TEX36: variants seen among roughly 807,000 people sequenced by gnomAD.
TEX36 encodes the protein testis-expressed protein 36.
A neutral mutation model predicts 13.6 loss-of-function variants in TEX36; 12 were observed. The observed-to-expected ratio is 0.88, with a 90% CI of 0.56 to 1.43. The LOEUF (loss-of-function observed/expected upper bound fraction) is 1.43, where lower values mean the gene tolerates loss of function less well. TEX36 is among the 40% of genes most tolerant of loss of function. The pLI, the probability that TEX36 is intolerant of heterozygous loss-of-function variation, is 0.00. For synonymous variants in TEX36, 93 were observed against 83.0 expected (o/e 1.12, Z -0.65); for missense variants, 224 against 228.3 (o/e 0.98, Z 0.12).
chr10:125,662,334 G>A (rs1490578713), intron 1 of TEX36, among the ~76,000 whole-genome samples: 1 of 152,152 alleles, frequency 6.6e-6, no homozygotes, highest in South Asian at 2.1e-4. Flanking sequence ...GGAGCTCCCA[G>A]TACTGAGGAC....
chr10:125,655,088 A>T (rs183471950), downstream of TEX36, among the ~76,000 whole-genome samples: 446 of 152,270 alleles, frequency 2.9e-3, 1 homozygote, highest in Non-Finnish European at 5.4e-3. Context: ...GCGATTTTTT[A>T]AAAAATCAGT....
chr10:125,652,929 A>T (rs1485247930), downstream of TEX36, among the ~76,000 whole-genome samples: 2 of 152,204 alleles, frequency 1.3e-5, no homozygotes, highest in Non-Finnish European at 2.9e-5. Flanking sequence ...AAATCAAACC[A>T]CAATGAGATA....
Position 125,592,728 on chromosome 10 carries a change from A to G in TEX36, c.265-15854T>C, listed in dbSNP as rs2133534264. Among the ~76,000 whole-genome samples the G allele has an allele frequency of 2.0e-5, 3 of 152,134 alleles. No individual in the cohort carries two copies. In the South Asian group the frequency reaches 6.2e-4, roughly 32 times the overall value. ...CCCCAACTTGTGACCCATACTTCCAACCACCTGGCTATAAGTCAGGAGTCC... is the reference window on the plus strand; with the variant it reads ...CCCCAACTTGTGACCCATACTTCCAGCCACCTGGCTATAAGTCAGGAGTCC... On this transcript the variant is annotated intron_variant, in intron 3 of 3. Coordinates refer to the TEX36 transcript ENST00000532135.
chr10:125,589,412 A>T (rs1845996429), intron 3 of TEX36, among the ~76,000 whole-genome samples: 1 of 152,150 alleles, frequency 6.6e-6, no homozygotes, highest in African/African-American at 2.4e-5. Flanking sequence ...GATAGTGGCC[A>T]CCCTTGTCTT....
chr10:125,633,827 T>C (rs1014240454), intron 3 of TEX36, among the ~76,000 whole-genome samples: 2 of 152,184 alleles, frequency 1.3e-5, no homozygotes, highest in African/African-American at 4.8e-5. Flanking sequence ...TTCCCATAAA[T>C]GGACACGGTT....
chr10:125,613,777 G>C lies in TEX36; in HGVS notation c.265-36903C>G, dbSNP rs530626109. On this transcript the variant is annotated intron_variant, in intron 3 of 3. Transcript: ENST00000532135. ...TGTCTTTATAGCAGCATGATTTATA[G>C]TCCTTTGGGTATATACCCAGTAATG... is the stretch of plus-strand genomic sequence containing the variant. 7.4e-3 allele frequency among the ~76,000 whole-genome samples: 1,125 copies of C among 152,082 alleles called. 15 individuals carry two copies. The highest frequency in any genetic ancestry group is 0.025 in the African/African-American group (1,051 of 41,480).
intron 3 of TEX36, among the ~76,000 whole-genome samples, chr10:125,589,491 A>T (rs949244368): frequency 6.6e-6 from 1 of 152,230 alleles, no homozygotes; most frequent in African/African-American, 2.4e-5. Flanking sequence ...ATACACTGAG[A>T]TGGATACTCT....
intron 3 of TEX36, among the ~76,000 whole-genome samples, chr10:125,600,409 G>T (rs565315301): frequency 3.9e-5 from 6 of 152,028 alleles, no homozygotes; most frequent in African/African-American, 9.7e-5. Context: ...GTGATCAGGG[G>T]GGTCTCCAAC....
At chr10:125,664,316 T>C (rs1364757449) in intron 1 of TEX36, among the ~76,000 whole-genome samples, 1 of 152,230 alleles carries the variant, frequency 6.6e-6, no homozygotes, top group Non-Finnish European at 1.5e-5. Flanking sequence ...TGCAAATATC[T>C]CCTCAGTATA....
chr10:125,611,405 G>A (rs771968718), intron 3 of TEX36, among the ~76,000 whole-genome samples: 4 of 152,088 alleles, frequency 2.6e-5, no homozygotes, highest in Non-Finnish European at 5.9e-5. Flanking sequence ...TTCATAACCT[G>A]AATAAATAAA....
chr10:125,597,244 C>T (rs1846091842), intron 3 of TEX36, among the ~76,000 whole-genome samples: 1 of 152,176 alleles, frequency 6.6e-6, no homozygotes, highest in Non-Finnish European at 1.5e-5. Flanking sequence ...CTACTGTGTC[C>T]ACCATGTGAA....
intron 3 of TEX36, among the ~76,000 whole-genome samples, chr10:125,627,893 C>T (rs11244586): frequency 0.045 from 6,776 of 152,186 alleles, 175 homozygotes; most frequent in East Asian, 0.086. Context: ...GGCGGTAACA[C>T]CTAGAATATC....
chr10:125,640,666 G>T (rs951656001), intron 3 of TEX36, among the ~76,000 whole-genome samples: 1 of 152,116 alleles, frequency 6.6e-6, no homozygotes, highest in Non-Finnish European at 1.5e-5. Flanking sequence ...ACTGCCCTGT[G>T]TGTTTGGGAA....
downstream of TEX36, among the ~76,000 whole-genome samples, chr10:125,652,639 A>T (rs574230787): frequency 7.9e-5 from 12 of 152,344 alleles, no homozygotes; most frequent in East Asian, 2.3e-3. Context: ...GACAAATGGG[A>T]TCTAATCAAA....
intron 1 of TEX36, among the ~76,000 whole-genome samples, chr10:125,666,122 A>G (rs558235275): frequency 7.9e-5 from 12 of 152,194 alleles, no homozygotes; most frequent in Admixed American, 2.6e-4. Flanking sequence ...TTTTCTAGAT[A>G]TAATATCATG....
At chr10:125,641,757 T>C (rs893809326) in intron 3 of TEX36, among the ~76,000 whole-genome samples, 2 of 152,236 alleles carry the variant, frequency 1.3e-5, no homozygotes, top group Non-Finnish European at 2.9e-5. Flanking sequence ...TGCCAAGTTA[T>C]TAAAGACTTT....
rs1414170551 is a variant in TEX36, at chr10:125,679,145, CCG to C, written c.51+3792_51+3793del. Among the ~76,000 whole-genome samples the C allele has an allele frequency of 6.8e-3, 941 of 138,472 alleles. 73 individuals carry two copies. Among genetic ancestry groups the C allele is most frequent in the African/African-American group, 0.022 (722 of 32,370 alleles). 90.8% of individuals were successfully genotyped at this position (138,472 alleles called of 152,430 possible). A position where few individuals can be genotyped will look rare whatever the true frequency, so the allele number is the denominator to read the frequency against. On this transcript the variant is annotated intron_variant, in intron 1 of 3. Transcript: ENST00000368821. ...GGCTCTGGCTACAGGAGCACCCCCC[CCG>C]CCCCCGCCAAGCTGACAACTTAGTT...
chr10:125,672,138 G>A lies in TEX36; in HGVS notation c.52-10161C>T, dbSNP rs183303056. Among the ~76,000 whole-genome samples the A allele has an allele frequency of 6.2e-3, 945 of 151,440 alleles. 9 individuals are homozygous for A. Among genetic ancestry groups the A allele is most frequent in the African/African-American group, 0.021 (853 of 41,262 alleles). On this transcript the variant is annotated intron_variant, in intron 1 of 3. Transcript: ENST00000368821. ...TTGTATCTCTATCTCCTTCAGTTTC[G>A]CTCTGATCTTGGTTATTTCTTGTCT...
intron 3 of TEX36, among the ~76,000 whole-genome samples, chr10:125,610,655 C>G (rs913246357): frequency 1.3e-4 from 19 of 151,980 alleles, no homozygotes; most frequent in African/African-American, 4.6e-4. Flanking sequence ...TTTTCATGTA[C>G]AGATTTTTTT....
Sources: gnomAD v4.1 joint callset for allele counts (sites outside exome capture counted in the v4.1 genomes callset) on GRCh38, gnomAD v4.1.1 for gene constraint, MANE v1.5 for transcripts, NCBI Gene and HGNC (gene_info 2026-07-23, HGNC 2026-07-21) for gene names.